The following DAAM1 variants were observed in gnomAD, a reference collection of about 807,000 sequenced individuals.
The protein encoded by DAAM1 is dishevelled associated activator of morphogenesis 1.
Under a neutral mutation model 130.0 loss-of-function variants are expected in DAAM1, and 52 were observed. That is an observed-to-expected ratio of 0.40 (90% CI 0.32 to 0.50). The LOEUF is 0.50. Among genes scored for constraint, DAAM1 ranks in the 20% least tolerant of loss-of-function variants. The pLI, the probability that DAAM1 is intolerant of heterozygous loss-of-function variation, is 0.61. For synonymous variants in DAAM1, 452 were observed against 444.5 expected (o/e 1.02, Z -0.21); for missense variants, 1,134 against 1,303.8 (o/e 0.87, Z 2.01).
intron 2 of DAAM1, among the ~76,000 whole-genome samples, chr14:59,273,351 TTA>T (rs1390841409): frequency 2.6e-5 from 4 of 152,318 alleles, no homozygotes; most frequent in Non-Finnish European, 5.9e-5. Flanking sequence ...TGGATGCTTC[TTA>T]TATCTTAATA....
chr14:59,325,718 A>G lies in DAAM1; in HGVS notation c.1044A>G (p.Lys348=). 1 of 1,614,052 alleles carries G rather than the reference A, an allele frequency of 6.2e-7. No homozygotes were observed. Among genetic ancestry groups the G allele is most frequent in the Non-Finnish European group, 8.5e-7 (1 of 1,179,976 alleles). The change falls in exon 9 of 25, where the codon AAA becomes AAG. Residue 348 remains lysine, a synonymous_variant. Transcript: ENST00000360909. ...ATGAAGATGAACTAGAATTTGCCAA[A>G]AGATTTGAACTGGTACGTATGCTTA... The part of the protein sequence containing the change: ...LRNEDELEFA[K]RFELVHIDTK...
intron 22 of DAAM1, chr14:59,363,271 A>G (rs1886782673): frequency 5.6e-6 from 1 of 177,134 alleles, no homozygotes; most frequent in South Asian, 1.2e-4. Flanking sequence ...TAAGCATGGA[A>G]TATTGACAAG....
intron 3 of DAAM1, among the ~76,000 whole-genome samples, chr14:59,309,193 G>A (rs1382683728): frequency 6.6e-6 from 1 of 152,172 alleles, no homozygotes; most frequent in African/African-American, 2.4e-5. Flanking sequence ...CCCCAAAAAG[G>A]AAGAGCCAGA....
At chr14:59,209,182 T>A (rs1389174505) in intron 1 of DAAM1, among the ~76,000 whole-genome samples, 1 of 152,224 alleles carries the variant, frequency 6.6e-6, no homozygotes. Context: ...TGACCATCCC[T>A]CTTGGCATAC....
Position 59,368,859 on chromosome 14 carries a change from A to G in DAAM1, c.3207A>G (p.Ter1069=). 1 of 1,612,734 alleles carries G rather than the reference A, an allele frequency of 6.2e-7. No individual in the cohort carries two copies. The highest frequency in any genetic ancestry group is 8.5e-7 in the Non-Finnish European group (1 of 1,179,296). ...RERPITKLNF[*] Reference sequence around the variant, plus strand: ...GACCAATCACAAAACTTAATTTCTAATTTTCCATGAATACTTTTTTTTAGA... The same window carrying G: ...GACCAATCACAAAACTTAATTTCTAGTTTTCCATGAATACTTTTTTTTAGA... Residue 1069 remains the stop codon, a stop_retained_variant, in exon 25 of 25, where the codon TAA becomes TAG. Coordinates refer to ENST00000360909, the MANE Select transcript of DAAM1 (RefSeq NM_001270520.2).
At chr14:59,326,427 A>T in intron 10 of DAAM1, 83 bp from the exon 11 acceptor site, 1 of 1,417,348 alleles carries the variant, frequency 7.1e-7, no homozygotes, top group Non-Finnish European at 9.5e-7. Context: ...TGGTGGCTTT[A>T]AAGGGTGACC....
intron 3 of DAAM1, among the ~76,000 whole-genome samples, chr14:59,291,874 AG>A (rs1594803811): frequency 1.3e-5 from 2 of 152,186 alleles, no homozygotes; most frequent in Non-Finnish European, 2.9e-5. Context: ...ATCCACTGAA[AG>A]GACTAAAGTC....
At chr14:59,205,391 G>C (rs1270805978) in intron 1 of DAAM1, among the ~76,000 whole-genome samples, 1 of 152,194 alleles carries the variant, frequency 6.6e-6, no homozygotes, top group Non-Finnish European at 1.5e-5. Context: ...TTCAGTTAAA[G>C]TTCTTACAGA....
At chr14:59,304,805 A>G (rs1023634702) in intron 3 of DAAM1, among the ~76,000 whole-genome samples, 3 of 152,124 alleles carry the variant, frequency 2.0e-5, no homozygotes, top group Non-Finnish European at 4.4e-5. Context: ...TTAACCTTGC[A>G]TTAGCACTTT....
intron 12 of DAAM1, 148 bp downstream of exon 12, chr14:59,327,139 G>T: frequency 1.3e-6 from 1 of 780,656 alleles, no homozygotes. Context: ...ATTTTGCACT[G>T]AGTTTCTTAA....
intron 2 of DAAM1, among the ~76,000 whole-genome samples, chr14:59,270,496 G>A (rs1485194579): frequency 6.6e-6 from 1 of 152,108 alleles, no homozygotes; most frequent in African/African-American, 2.4e-5. Context: ...CCTCCCCCAT[G>A]ACCCAAACAC....
chr14:59,300,552 A>G (rs931070392), intron 3 of DAAM1, among the ~76,000 whole-genome samples: 2 of 152,232 alleles, frequency 1.3e-5, no homozygotes, highest in Admixed American at 1.3e-4. Flanking sequence ...CTGTTTGATT[A>G]ATTTTTATTG....
At chr14:59,234,398 A>G (rs1889221703) in intron 1 of DAAM1, among the ~76,000 whole-genome samples, 2 of 152,092 alleles carry the variant, frequency 1.3e-5, no homozygotes, top group Admixed American at 6.6e-5. Context: ...GCAATTGTGA[A>G]TGGCAGTTTA....
At chr14:59,208,466 C>G (rs944087972) in intron 1 of DAAM1, among the ~76,000 whole-genome samples, 1 of 152,198 alleles carries the variant, frequency 6.6e-6, no homozygotes, top group South Asian at 2.1e-4. Flanking sequence ...TTTGCAGTTT[C>G]GATGTGGCAG....
Position 59,231,748 on chromosome 14 carries a change from C to A in DAAM1, c.-37-31693C>A, listed in dbSNP as rs930677869. Reference sequence around the variant, plus strand: ...TCCATTGGAAGAACTCAGTGCCTGGCATACAGTATGTGCTTAACAAACTTT... The same window carrying A: ...TCCATTGGAAGAACTCAGTGCCTGGAATACAGTATGTGCTTAACAAACTTT... On this transcript the variant is annotated intron_variant, in intron 1 of 24. Coordinates refer to ENST00000360909, the MANE Select transcript of DAAM1 (RefSeq NM_001270520.2). 8.5e-5 allele frequency among the ~76,000 whole-genome samples: 13 copies of A among 152,286 alleles called. No homozygotes were observed. The East Asian group carries it at 1.5e-3, about 18-fold the overall frequency.
intron 20 of DAAM1, 25 bp downstream of exon 20, chr14:59,355,358 T>C: frequency 6.2e-7 from 1 of 1,612,674 alleles, no homozygotes; most frequent in South Asian, 1.1e-5. Context: ...TTCCAACACT[T>C]GGGGGAGCCA....
chr14:59,217,510 A>G (rs1165518465), intron 1 of DAAM1, among the ~76,000 whole-genome samples: 1 of 152,120 alleles, frequency 6.6e-6, no homozygotes, highest in Non-Finnish European at 1.5e-5. Flanking sequence ...TATGGTATTG[A>G]TTAGCAATAT....
At chr14:59,257,041 G>A (rs773785856) in intron 1 of DAAM1, among the ~76,000 whole-genome samples, 13 of 152,162 alleles carry the variant, frequency 8.5e-5, no homozygotes, top group Non-Finnish European at 1.8e-4. Context: ...GAAACTCCTC[G>A]CTCTTGGGAA....
At chr14:59,192,591 G>C (rs959573035) in intron 1 of DAAM1, among the ~76,000 whole-genome samples, 1 of 152,196 alleles carries the variant, frequency 6.6e-6, no homozygotes, top group African/African-American at 2.4e-5. Flanking sequence ...CTCTAGAGGG[G>C]ACACCAGTCA....
Sources: gnomAD v4.1 joint callset for allele counts (sites outside exome capture counted in the v4.1 genomes callset) on GRCh38, gnomAD v4.1.1 for gene constraint, MANE v1.5 for transcripts, NCBI Gene and HGNC (gene_info 2026-07-23, HGNC 2026-07-21) for gene names.